The following RANBP2 variants were observed in gnomAD, a reference collection of about 807,000 sequenced individuals.
RANBP2 encodes E3 SUMO-protein ligase RanBP2.
In RANBP2, 57 loss-of-function variants were observed where a neutral mutation model predicts 303.6. The observed-to-expected ratio is 0.19, with a 90% CI of 0.15 to 0.23. The LOEUF is 0.23. RANBP2 is among the 10% of genes least tolerant of loss of function. The pLI, the probability that RANBP2 is intolerant of heterozygous loss-of-function variation, is 1.00. For missense variants in RANBP2, 3,138 were observed against 3,780.8 expected, an observed-to-expected ratio of 0.83 and a Z score of 4.46; for synonymous variants, 1,167 against 1,301.5, an observed-to-expected ratio of 0.90 and a Z score of 2.23.
the RANBP2 span, among the ~76,000 whole-genome samples, chr2:109,443,028 T>A: frequency 6.6e-6 from 1 of 152,262 alleles, no homozygotes; most frequent in African/African-American, 2.4e-5. Context: ...TGGAACAAGT[T>A]ATACACATTC....
At chr2:109,059,447 T>C in the RANBP2 span, among the ~76,000 whole-genome samples, 6 of 151,630 alleles carry the variant, frequency 4.0e-5, no homozygotes, top group South Asian at 2.1e-4. Flanking sequence ...TGGCGGTGGG[T>C]GCCTGTAGTC....
the RANBP2 span, among the ~76,000 whole-genome samples, chr2:109,216,509 G>T: frequency 1.9e-3 from 283 of 152,144 alleles, no homozygotes; most frequent in Non-Finnish European, 3.5e-3. Context: ...CCACCTGGCC[G>T]CAAAGCTTAA....
At chr2:109,054,766 G>T in the RANBP2 span, among the ~76,000 whole-genome samples, 1 of 150,606 alleles carries the variant, frequency 6.6e-6, no homozygotes, top group African/African-American at 2.4e-5. Flanking sequence ...TCACCTCCAC[G>T]CCAGTCAAGA....
At position 108,773,020 on chromosome 2, in the gene RANBP2, G is replaced by A. The variant is rs1004497377; in HGVS notation, c.8266G>A (p.Glu2756Lys). The A allele has an allele frequency of 6.2e-7, 1 of 1,613,008 alleles. No individual in the cohort carries two copies. The highest frequency in any genetic ancestry group is 8.5e-7 in the Non-Finnish European group (1 of 1,179,432). ...TGGAAATGGGGAGGACTTTCAATCA[G>A]AGCTTCAAAAAGTTCAGGAAGCTCA... is the stretch of plus-strand genomic sequence containing the variant. ...DNGNGEDFQS[E>K]LQKVQEAQKS... Residue 2756 changes from glutamate to lysine, a missense_variant, in exon 23 of 29, where the codon GAG becomes AAG. Transcript: ENST00000283195.
At chr2:109,103,136 C>A in the RANBP2 span, among the ~76,000 whole-genome samples, 2 of 152,218 alleles carry the variant, frequency 1.3e-5, no homozygotes, top group African/African-American at 4.8e-5. Context: ...GACGAGTCCC[C>A]TGGTGGGAGG....
chr2:109,081,958 A>G, the RANBP2 span, among the ~76,000 whole-genome samples: 4 of 152,284 alleles, frequency 2.6e-5, no homozygotes, highest in East Asian at 7.7e-4. Flanking sequence ...TGTCCTCCAC[A>G]CTGCTCACTG....
chr2:109,417,300 G>A, the RANBP2 span, among the ~76,000 whole-genome samples: 4 of 152,162 alleles, frequency 2.6e-5, no homozygotes, highest in African/African-American at 7.2e-5. Flanking sequence ...CTCCATGGAT[G>A]GTGACTCATG....
the RANBP2 span, among the ~76,000 whole-genome samples, chr2:109,295,144 C>T: frequency 6.6e-6 from 1 of 152,216 alleles, no homozygotes; most frequent in African/African-American, 2.4e-5. Context: ...TGGTACGGAG[C>T]ACCCACGCCT....
At chr2:109,343,746 T>C in the RANBP2 span, among the ~76,000 whole-genome samples, 1 of 148,244 alleles carries the variant, frequency 6.7e-6, no homozygotes, top group Non-Finnish European at 1.5e-5. Context: ...CTGGTTTCCT[T>C]TTTTTTTTTT....
chr2:109,425,904 C>CT, the RANBP2 span, among the ~76,000 whole-genome samples: 5 of 151,780 alleles, frequency 3.3e-5, no homozygotes, highest in South Asian at 4.2e-4. Flanking sequence ...TTCTTTCTTT[C>CT]TTTTTTTTCT....
chr2:109,556,163 A>G, the RANBP2 span, among the ~76,000 whole-genome samples: 7 of 152,210 alleles, frequency 4.6e-5, no homozygotes, highest in African/African-American at 1.4e-4. Context: ...CTGGAACTCT[A>G]CCAGTAGCTG....
the RANBP2 span, among the ~76,000 whole-genome samples, chr2:109,178,712 A>G: frequency 6.6e-6 from 1 of 152,222 alleles, no homozygotes; most frequent in Non-Finnish European, 1.5e-5. Flanking sequence ...TCGTTCACAT[A>G]GATCTAATTA....
the RANBP2 span, among the ~76,000 whole-genome samples, chr2:109,021,310 T>G: frequency 3.3e-5 from 5 of 151,678 alleles, no homozygotes; most frequent in Non-Finnish European, 7.4e-5. Flanking sequence ...GATCACGAGG[T>G]CAGGAGATCG....
the RANBP2 span, among the ~76,000 whole-genome samples, chr2:109,668,781 T>C: frequency 6.6e-6 from 1 of 152,234 alleles, no homozygotes; most frequent in East Asian, 1.9e-4. Context: ...TGAAACCAAA[T>C]AGATATTTGA....
At chr2:109,253,454 G>GT in the RANBP2 span, among the ~76,000 whole-genome samples, 2 of 152,208 alleles carry the variant, frequency 1.3e-5, no homozygotes. Context: ...GGGTGGGCTG[G>GT]TGAGGGCATT....
chr2:109,570,817 C>T, the RANBP2 span, among the ~76,000 whole-genome samples: 8 of 152,084 alleles, frequency 5.3e-5, no homozygotes, highest in Non-Finnish European at 7.4e-5. Context: ...CCACCACACC[C>T]GGCCTGTATT....
chr2:109,141,588 A>T, the RANBP2 span: 3 of 154,886 alleles, frequency 1.9e-5, no homozygotes, highest in Non-Finnish European at 2.9e-5. Context: ...AACCCACTGC[A>T]CTTTTCTCTA....
the RANBP2 span, among the ~76,000 whole-genome samples, chr2:109,405,360 A>G: frequency 6.6e-6 from 1 of 152,080 alleles, no homozygotes; most frequent in African/African-American, 2.4e-5. Flanking sequence ...GTCTTCCCCA[A>G]CACTGACTCC....
At chr2:108,787,126 T>C (rs1427717080), downstream of RANBP2, among the ~76,000 whole-genome samples, 1 of 152,228 alleles carries the variant, frequency 6.6e-6, no homozygotes, top group African/African-American at 2.4e-5. Context: ...CCTATGCCTC[T>C]GTGTTCCTGG....
Sources: gnomAD v4.1 joint callset for allele counts (sites outside exome capture counted in the v4.1 genomes callset) on GRCh38, gnomAD v4.1.1 for gene constraint, MANE v1.5 for transcripts, NCBI Gene and HGNC (gene_info 2026-07-23, HGNC 2026-07-21) for gene names.